Variants in BMP6 observed in about 807,000 individuals in gnomAD.
BMP6 encodes the protein VG-1-R.
Under a neutral mutation model 54.1 loss-of-function variants are expected in BMP6, and 17 were observed. The ratio of observed to expected loss-of-function variants is 0.31; its 90% CI spans 0.22 to 0.47. BMP6 has a LOEUF of 0.47. Ranked by LOEUF, BMP6 falls within the 20% of genes least tolerant of loss-of-function variation. The pLI is 1.00. For missense variants in BMP6, 720 were observed against 690.4 expected (o/e 1.04, Z -0.48); for synonymous variants, 328 against 291.2 (o/e 1.13, Z -1.28).
intron 1 of BMP6, among the ~76,000 whole-genome samples, chr6:7,768,570 T>C (rs1581239428): frequency 1.3e-5 from 2 of 152,336 alleles, no homozygotes; most frequent in East Asian, 3.9e-4. Flanking sequence ...AGCCTCGAAA[T>C]GGCCTCACCT....
intron 1 of BMP6, among the ~76,000 whole-genome samples, chr6:7,760,796 A>C (rs1757601684): frequency 2.0e-5 from 3 of 152,224 alleles, no homozygotes; most frequent in Non-Finnish European, 4.4e-5. Flanking sequence ...ATGTGAAAGT[A>C]GATGTCTGGT....
At chr6:7,879,404 A>C (rs1196588893) in intron 5 of BMP6, among the ~76,000 whole-genome samples, 1 of 152,208 alleles carries the variant, frequency 6.6e-6, no homozygotes, top group Non-Finnish European at 1.5e-5. Flanking sequence ...ATCAATAGCC[A>C]CATTTCCCAA....
intron 1 of BMP6, among the ~76,000 whole-genome samples, chr6:7,837,175 C>G (rs746386431): frequency 6.6e-6 from 1 of 152,134 alleles, no homozygotes; most frequent in Non-Finnish European, 1.5e-5. Context: ...ATCGATTGCT[C>G]TGTTCTTTTT....
rs1342595961 is a variant in BMP6 at position 7,881,333 on chromosome 6, A to G, written c.*990A>G. 4 of 152,658 alleles carry G rather than the reference A, an allele frequency of 2.6e-5. No individual in the cohort carries two copies. Among genetic ancestry groups the G allele is most frequent in the Non-Finnish European group, 4.4e-5 (3 of 68,048 alleles). The allele number at this position is 152,658 out of a possible 1,614,324, so 9.5% of individuals were successfully genotyped here. On this transcript the variant is annotated 3_prime_UTR_variant, in exon 7 of 7. Transcript: ENST00000283147. ...GAAAGTGAGGCTCAGATTAAATTTT[A>G]GAATATTTTCTAAATGTCTTTTTCA...
At chr6:7,838,297 G>A (rs563195485) in intron 1 of BMP6, among the ~76,000 whole-genome samples, 5 of 152,210 alleles carry the variant, frequency 3.3e-5, no homozygotes, top group African/African-American at 1.2e-4. Context: ...GAAACATAGT[G>A]CATATAGGGT....
rs767601109 is a variant in BMP6 at position 7,727,616 on chromosome 6, C to T, written c.661C>T (p.Leu221=). Residue 221 remains leucine (L), a synonymous_variant, in exon 1 of 7, where the codon CTG becomes TTG. Transcript: ENST00000283147. ...DADMVMSFVN[L]VEYDKEFSPR... ...GGACATGGTCATGAGCTTTGTGAAC[C>T]TGGGTAAGGATTTGGGGTAACGTAA... 1.7e-5 allele frequency: 26 copies of T among 1,551,334 alleles called. No individual in the cohort carries two copies. The East Asian group carries it at 4.9e-4, about 29-fold the overall frequency.
chr6:7,875,709 C>T lies in BMP6; in HGVS notation c.1205-3365C>T, dbSNP rs1289548172. On this transcript the variant is annotated intron_variant, in intron 4 of 6. Coordinates refer to ENST00000283147, the MANE Select transcript of BMP6 (RefSeq NM_001718.6). ...TCAGCTACTTGGGCATTCCATAGTCCAATCAAGTTGACACAAAATTAACTA... is the reference window on the plus strand; with the variant it reads ...TCAGCTACTTGGGCATTCCATAGTCTAATCAAGTTGACACAAAATTAACTA... Among the ~76,000 whole-genome samples, 5 of 152,138 alleles carry T rather than the reference C, an allele frequency of 3.3e-5. 1 individual carries two copies. The highest frequency in any genetic ancestry group is 7.3e-5 in the Non-Finnish European group (5 of 68,028).
At chr6:7,811,764 A>G (rs770870460) in intron 1 of BMP6, among the ~76,000 whole-genome samples, 1 of 152,074 alleles carries the variant, frequency 6.6e-6, no homozygotes, top group Non-Finnish European at 1.5e-5. Context: ...ATCAGTTCAC[A>G]TTTCCCTTCG....
At chr6:7,857,990 G>T (rs1342078688) in intron 2 of BMP6, among the ~76,000 whole-genome samples, 2 of 152,140 alleles carry the variant, frequency 1.3e-5, no homozygotes, top group African/African-American at 4.8e-5. Flanking sequence ...CCACCACTAT[G>T]CCACCATCTA....
At chr6:7,860,498 G>T (rs1250362452) in intron 2 of BMP6, among the ~76,000 whole-genome samples, 2 of 152,160 alleles carry the variant, frequency 1.3e-5, no homozygotes, top group Non-Finnish European at 2.9e-5. Context: ...ATCATAAAAT[G>T]CAGGTGAGCA....
At chr6:7,863,067 C>T (rs967390832) in intron 4 of BMP6, among the ~76,000 whole-genome samples, 1 of 152,120 alleles carries the variant, frequency 6.6e-6, no homozygotes, top group Non-Finnish European at 1.5e-5. Context: ...GGCACGGTCT[C>T]GGCTCACTGC....
At chr6:7,810,615 A>G (rs1237819904) in intron 1 of BMP6, among the ~76,000 whole-genome samples, 1 of 152,232 alleles carries the variant, frequency 6.6e-6, no homozygotes, top group East Asian at 1.9e-4. Context: ...TGGATATTAC[A>G]AAGTGGAAGC....
intron 4 of BMP6, 43 bp from the exon 5 acceptor site, chr6:7,879,031 G>A: frequency 6.4e-7 from 1 of 1,563,170 alleles, no homozygotes; most frequent in Non-Finnish European, 8.8e-7. Context: ...TGAGTTGATG[G>A]GTGCATCTTT....
At chr6:7,772,471 ACT>A (rs1757804498) in intron 1 of BMP6, among the ~76,000 whole-genome samples, 1 of 152,016 alleles carries the variant, frequency 6.6e-6, no homozygotes, top group East Asian at 1.9e-4. Context: ...CAGCCAGAAC[ACT>A]CTCTCCCTGT....
At chr6:7,841,015 A>G (rs1758960649) in intron 1 of BMP6, among the ~76,000 whole-genome samples, 1 of 152,234 alleles carries the variant, frequency 6.6e-6, no homozygotes, top group South Asian at 2.1e-4. Context: ...CCAAGCTCCG[A>G]GGACCTGGAT....
rs566701722 is a variant in BMP6, at chr6:7,811,495, C to T, written c.665-33645C>T. ...GTTGCTATGGGGTTGAGCCCCAGTT[C>T]GGGCAAATGTATGTTCCCGGAGAAA... is the stretch of plus-strand genomic sequence containing the variant. On this transcript the variant is annotated intron_variant, in intron 1 of 6. Coordinates refer to ENST00000283147, the MANE Select transcript of BMP6 (RefSeq NM_001718.6). Among the ~76,000 whole-genome samples, 139 of 152,260 alleles carry T rather than the reference C, an allele frequency of 9.1e-4. 1 individual carries two copies. Among genetic ancestry groups the T allele is most frequent in the African/African-American group, 2.8e-3 (115 of 41,546 alleles).
At chr6:7,870,264 C>G (rs1450424639) in intron 4 of BMP6, among the ~76,000 whole-genome samples, 2 of 152,182 alleles carry the variant, frequency 1.3e-5, no homozygotes, top group African/African-American at 4.8e-5. Context: ...GATTGGAACA[C>G]CCCGGTCTCT....
Position 7,742,068 on chromosome 6 carries a change from G to A in BMP6, c.664+14449G>A, listed in dbSNP as rs115958949. ...TCATTACAAATAACATCAAGCATTT[G>A]AACGAGAGAATTACAAACTGTGAAG... is the stretch of plus-strand genomic sequence containing the variant. On this transcript the variant is annotated intron_variant, in intron 1 of 6. Coordinates refer to ENST00000283147, the MANE Select transcript of BMP6 (RefSeq NM_001718.6). Among the ~76,000 whole-genome samples, 577 of 152,270 alleles carry A rather than the reference G, an allele frequency of 3.8e-3. 1 individual carries two copies. The highest frequency in any genetic ancestry group is 0.013 in the African/African-American group (554 of 41,556).
At chr6:7,779,943 TTC>T (rs1757918779) in intron 1 of BMP6, among the ~76,000 whole-genome samples, 1 of 152,134 alleles carries the variant, frequency 6.6e-6, no homozygotes, top group Non-Finnish European at 1.5e-5. Context: ...TGTATGGGCT[TTC>T]TTCCCTGAAA....
Sources: gnomAD v4.1 joint callset for allele counts (sites outside exome capture counted in the v4.1 genomes callset) on GRCh38, gnomAD v4.1.1 for gene constraint, MANE v1.5 for transcripts, NCBI Gene and HGNC (gene_info 2026-07-23, HGNC 2026-07-21) for gene names.